Variants in RRN3 observed in about 807,000 individuals in gnomAD.
RRN3 encodes the protein RNA polymerase I-specific transcription initiation factor RRN3.
Under a neutral mutation model 82.3 loss-of-function variants are expected in RRN3, and 38 were observed. That is an observed-to-expected ratio of 0.46 (90% CI 0.36 to 0.61). RRN3 has a LOEUF of 0.61. RRN3 is among the 20% of genes least tolerant of loss of function. RRN3 has a pLI of 0.00. For synonymous variants in RRN3, 284 were observed against 284.3 expected, an observed-to-expected ratio of 1.00 and a Z score of 0.01; for missense variants, 726 against 793.1, an observed-to-expected ratio of 0.92 and a Z score of 1.02.
chr16:15,094,099 T>C, intron 1 of RRN3, 46 bp downstream of exon 1: 1 of 1,522,090 alleles, frequency 6.6e-7, no homozygotes, highest in Non-Finnish European at 9.0e-7. Context: ...AGCGCCGTCC[T>C]GAGCTTTCGT....
At chr16:15,091,930 G>C (rs2046145407) in intron 2 of RRN3, among the ~76,000 whole-genome samples, 1 of 152,162 alleles carries the variant, frequency 6.6e-6, no homozygotes, top group Non-Finnish European at 1.5e-5. Flanking sequence ...TGTAATCCCA[G>C]CACTTTGGGA....
chr16:15,081,314 C>A (rs2045693817), intron 8 of RRN3, among the ~76,000 whole-genome samples: 1 of 152,214 alleles, frequency 6.6e-6, no homozygotes, highest in Non-Finnish European at 1.5e-5. Flanking sequence ...AATGGCTGCA[C>A]CATTTTACAT....
At position 15,071,268 on chromosome 16, in the gene RRN3, C is replaced by A. The variant is rs374626074; in HGVS notation, c.1129-17G>T. The A allele has an allele frequency of 6.3e-7, 1 of 1,585,970 alleles. No homozygotes were observed. Among genetic ancestry groups the A allele is most frequent in the Admixed American group, 1.8e-5 (1 of 54,114 alleles). On this transcript the variant is annotated splice_polypyrimidine_tract_variant and intron_variant, in intron 12 of 17. Transcript: ENST00000198767. ...TGCGAATCCCTATAAAAAGAGAGGG[C>A]GTCGGTGTGATCTTTTTTAATGCCT... is the stretch of plus-strand genomic sequence containing the variant.
At chr16:15,073,291 T>C (rs1159021767) in intron 11 of RRN3, among the ~76,000 whole-genome samples, 1 of 152,106 alleles carries the variant, frequency 6.6e-6, no homozygotes, top group African/African-American at 2.4e-5. Context: ...AAGCTCTGTC[T>C]CTACAAAAAA....
At chr16:15,093,979 C>T (rs1387428185) in intron 1 of RRN3, 166 bp downstream of exon 1, 12 of 674,550 alleles carry the variant, frequency 1.8e-5, no homozygotes, top group Non-Finnish European at 2.9e-5. Context: ...ATGTCTATTA[C>T]CCAGTTAGGA....
At chr16:15,087,869 C>A (rs1029800238) in intron 3 of RRN3, among the ~76,000 whole-genome samples, 3 of 152,078 alleles carry the variant, frequency 2.0e-5, no homozygotes, top group African/African-American at 7.2e-5. Context: ...AATCCCAACA[C>A]TTTGGGAGGC....
chr16:15,079,118 A>G (rs2045589809), intron 9 of RRN3, among the ~76,000 whole-genome samples: 1 of 151,874 alleles, frequency 6.6e-6, no homozygotes, highest in African/African-American at 2.4e-5. Flanking sequence ...CCTCCTCTTC[A>G]TATTTCTAAC....
chr16:15,075,933 T>C (rs547172240), intron 10 of RRN3, among the ~76,000 whole-genome samples: 8 of 152,200 alleles, frequency 5.3e-5, no homozygotes, highest in Non-Finnish European at 1.0e-4. Flanking sequence ...CCTTGCACTC[T>C]TTCCAGCCCC....
At position 15,094,168 on chromosome 16, in the gene RRN3, C is replaced by G. The variant is rs141563647; in HGVS notation, c.66G>C (p.Lys22Asn). 6.1e-3 allele frequency: 9,822 copies of G among 1,602,236 alleles called. 65 individuals carry two copies. Among genetic ancestry groups the G allele is most frequent in the Non-Finnish European group, 5.9e-3 (6,939 of 1,174,688 alleles). Residue 22 changes from lysine to asparagine, a missense_variant, in exon 1 of 18, where the codon AAG (lysine) becomes AAC (asparagine). Physicochemically the swap from Lys to Asn is moderately conservative, Grantham distance 94. This residue lies in a region of RRN3 where 135 missense variants were observed against 87.4 expected (regional missense o/e 1.55). Transcript: ENST00000198767. ...GDAAASSSAV[K>N]KLGASRTGIS... ...ACCCAGTCCTCGACGCGCCCAGCTT[C>G]TTAACTGCAGAGGACGAAGCGGCCG...
chr16:15,087,780 C>T (rs2045966035), intron 3 of RRN3, among the ~76,000 whole-genome samples: 1 of 152,146 alleles, frequency 6.6e-6, no homozygotes, highest in South Asian at 2.1e-4. Context: ...AAAAAGACTG[C>T]AACAAAACTA....
chr16:15,089,851 G>T (rs1436417046), intron 3 of RRN3, among the ~76,000 whole-genome samples: 2 of 147,336 alleles, frequency 1.4e-5, no homozygotes, highest in Admixed American at 1.4e-4. Context: ...CAGAAACGCT[G>T]AAGTTTTAAG....
chr16:15,079,835 G>C (rs1447894678), intron 9 of RRN3, among the ~76,000 whole-genome samples, 163 bp downstream of exon 9: 2 of 152,208 alleles, frequency 1.3e-5, no homozygotes, highest in African/African-American at 2.4e-5. Context: ...GACCTCAGGT[G>C]ATCTGCCTGC....
intron 17 of RRN3, 116 bp from the exon 18 acceptor site, chr16:15,062,021 A>G: frequency 9.3e-7 from 1 of 1,071,038 alleles, no homozygotes; most frequent in African/African-American, 1.6e-5. Context: ...AAATATCTTA[A>G]TTTCAAAAGA....
chr16:15,086,100 A>G lies in RRN3; in HGVS notation c.472+29T>C, dbSNP rs190175288. 2.7e-4 allele frequency: 432 copies of G among 1,595,910 alleles called. 1 individual carries two copies. In the East Asian group the frequency reaches 8.2e-3, roughly 30 times the overall value. Reference sequence around the variant, plus strand: ...GTATTTTAATAAAGAAGTATTAAAAAGAAAATAAAATTCCAAGCAATGACT... The same window carrying G: ...GTATTTTAATAAAGAAGTATTAAAAGGAAAATAAAATTCCAAGCAATGACT... On this transcript the variant is annotated intron_variant, in intron 5 of 17. Coordinates refer to ENST00000198767, the MANE Select transcript of RRN3 (RefSeq NM_018427.5).
intron 11 of RRN3, among the ~76,000 whole-genome samples, chr16:15,074,206 G>C (rs1051973100): frequency 2.0e-5 from 3 of 152,142 alleles, no homozygotes; most frequent in Admixed American, 1.3e-4. Context: ...AGTCAACTCA[G>C]ATTCCAGTTC....
intron 9 of RRN3, among the ~76,000 whole-genome samples, chr16:15,078,562 AT>A (rs2045560162): frequency 6.6e-6 from 1 of 152,198 alleles, no homozygotes; most frequent in Non-Finnish European, 1.5e-5. Context: ...TGACAGCAGT[AT>A]CTGATGCTGC....
chr16:15,067,476 C>A (rs188038149), intron 15 of RRN3, among the ~76,000 whole-genome samples: 1 of 111,090 alleles, frequency 9.0e-6, no homozygotes, highest in Non-Finnish European at 2.1e-5. Context: ...AACTGCCTGG[C>A]ACAGAGGAAA....
intron 17 of RRN3, among the ~76,000 whole-genome samples, chr16:15,062,117 C>G (rs543820687): frequency 6.6e-6 from 1 of 152,300 alleles, no homozygotes; most frequent in South Asian, 2.1e-4. Context: ...AGTTCCGAAT[C>G]CAGCCTGGGC....
chr16:15,074,911 T>G, intron 10 of RRN3, 50 bp from the exon 11 acceptor site: 7 of 1,538,084 alleles, frequency 4.6e-6, no homozygotes, highest in Non-Finnish European at 6.2e-6. Flanking sequence ...AATGTCAAAG[T>G]GGTTTAGTAG....
Sources: allele counts gnomAD v4.1 joint callset (sites outside exome capture counted in the v4.1 genomes callset), GRCh38; gene constraint gnomAD v4.1.1; regional missense constraint gnomAD v4.1.1; transcripts MANE v1.5; gene names NCBI Gene and HGNC (gene_info 2026-07-23, HGNC 2026-07-21).